Variants in NOX1 observed in about 807,000 individuals in gnomAD.
The protein encoded by NOX1 is NADH/NADPH mitogenic oxidase subunit P65-MOX.
A neutral mutation model predicts 42.5 loss-of-function variants in NOX1; 34 were observed. The ratio of observed to expected loss-of-function variants is 0.80; its 90% CI spans 0.61 to 1.07. NOX1 has a LOEUF of 1.07. Among genes scored for constraint, NOX1 ranks in the 50% least tolerant of loss-of-function variants. The pLI is 0.00. For missense variants in NOX1, 408 were observed against 427.0 expected (o/e 0.96, Z 0.39); for synonymous variants, 143 against 152.5 (o/e 0.94, Z 0.46).
At chrX:100,865,827 G>C (rs1479177376) in intron 2 of NOX1, among the ~76,000 whole-genome samples, 2 of 112,130 alleles carry the variant, frequency 1.8e-5, no homozygotes, top group African/African-American at 6.5e-5. Context: ...TGATGTCATT[G>C]AACACCACTG....
At chrX:100,873,520 T>C (rs1272905984) in intron 1 of NOX1, among the ~76,000 whole-genome samples, 1 of 112,183 alleles carries the variant, frequency 8.9e-6, no homozygotes, top group African/African-American at 3.2e-5. Context: ...TCAGTAAAAA[T>C]AAAAATATGT....
intron 12 of NOX1, among the ~76,000 whole-genome samples, chrX:100,846,216 C>T (rs2085072386): frequency 8.9e-6 from 1 of 112,380 alleles, no homozygotes; most frequent in African/African-American, 3.2e-5. Flanking sequence ...CCACCATGCC[C>T]AGCTGGAAAC....
At position 100,849,290 on chromosome X, in the gene NOX1, T is replaced by TC; in HGVS notation, c.1432dup (p.Asp478GlyfsTer13). ...GTTATTTGGACTCACAATATTGCTG[T>TC]CCCATCCGGTGAGGAAGAGACGGTA... On this transcript the variant is annotated frameshift_variant, in exon 11 of 13. Transcript: ENST00000372966. LOFTEE classifies it high-confidence loss of function. 8.3e-7 allele frequency: 1 copy of TC among 1,210,928 alleles called. No homozygotes were observed. The highest frequency in any genetic ancestry group is 1.1e-6 in the Non-Finnish European group (1 of 894,952).
At position 100,862,729 on chromosome X, in the gene NOX1, G is replaced by T. The variant is rs1337119299; in HGVS notation, c.429C>A (p.Ser143Arg). The change falls in exon 5 of 13, where the codon AGC (serine) becomes AGA (arginine). Residue 143 changes from serine (S) to arginine (R), a missense_variant. Coordinates refer to ENST00000372966, the MANE Select transcript of NOX1 (RefSeq NM_007052.5). ...CCCCCTTTTTCTCATCATGAGATAG[G>T]CTGGAGAGAATGGAGGCAAGGGAGC... is the stretch of plus-strand genomic sequence containing the variant. ...TDGSLASILS[S>R]LSHDEKKGGS... 4 of 1,200,017 alleles carry T rather than the reference G, an allele frequency of 3.3e-6. No homozygotes were observed. In the South Asian group the frequency reaches 7.3e-5, roughly 22 times the overall value.
chrX:100,871,377 C>T (rs1231129705), intron 1 of NOX1, among the ~76,000 whole-genome samples: 2 of 111,993 alleles, frequency 1.8e-5, no homozygotes, highest in Non-Finnish European at 3.8e-5. Context: ...CAAACTGTTG[C>T]ACCTAAAAGA....
chrX:100,866,456 A>G (rs1339088756), intron 2 of NOX1, among the ~76,000 whole-genome samples: 1 of 107,233 alleles, frequency 9.3e-6, no homozygotes, highest in African/African-American at 3.4e-5. Flanking sequence ...CGTGTCTGAT[A>G]CATTTGTGAG....
chrX:100,869,261 A>T (rs2085257840), intron 2 of NOX1, among the ~76,000 whole-genome samples: 1 of 111,239 alleles, frequency 9.0e-6, no homozygotes, highest in African/African-American at 3.3e-5. Context: ...CAGTATGGCC[A>T]TTTTCACGAT....
chrX:100,853,262 C>A (rs866686190), intron 7 of NOX1, among the ~76,000 whole-genome samples: 14 of 21,249 alleles, frequency 6.6e-4, no homozygotes, highest in African/African-American at 2.2e-3. Context: ...TCCTTCCTTC[C>A]TTTCTTTCTT....
rs1187494759 is a variant in NOX1, at chrX:100,849,330, C to T, written c.1393G>A (p.Val465Met). The part of the protein sequence containing the change: ...LEQEMEELGK[V>M]GFLNYRLFLT... ...AAGAGACGGTAGTTTAGAAAACCCA[C>T]TTTGCCTAATTCCTCCATCTCCTGT... The change falls in exon 11 of 13, where the codon GTG becomes ATG. Residue 465 changes from valine (V) to methionine (M), a missense_variant. Coordinates refer to ENST00000372966, the MANE Select transcript of NOX1 (RefSeq NM_007052.5). 2.5e-6 allele frequency: 3 copies of T among 1,210,150 alleles called. No homozygotes were observed. The highest frequency in any genetic ancestry group is 1.8e-5 in the South Asian group (1 of 56,821).
At chrX:100,848,346 A>G (rs1419688240) in intron 12 of NOX1, among the ~76,000 whole-genome samples, 1 of 110,366 alleles carries the variant, frequency 9.1e-6, no homozygotes, top group Non-Finnish European at 1.9e-5. Context: ...GCTGGAGTGC[A>G]ATGGCGCTAT....
In NOX1 at chrX:100,851,232, C is replaced by A; in HGVS notation, c.897+1G>T. 2 of 1,131,794 alleles carry A rather than the reference C, an allele frequency of 1.8e-6. No homozygotes were observed. Among genetic ancestry groups the A allele is most frequent in the South Asian group, 3.8e-5 (2 of 53,060 alleles). The allele number at this position is 1,131,794 out of a possible 1,213,427, so 93.3% of individuals were successfully genotyped here. A position where few individuals can be genotyped will look rare whatever the true frequency, so the allele number is the denominator to read the frequency against. Reference sequence around the variant, plus strand: ...GCAAGAGGAAAGTGCATATTCTTTACCTTGGTAATCACAACCTTCTGCTGG... The same window carrying A: ...GCAAGAGGAAAGTGCATATTCTTTAACTTGGTAATCACAACCTTCTGCTGG... On this transcript the variant is annotated splice_donor_variant, in intron 8 of 12. Coordinates refer to ENST00000372966, the MANE Select transcript of NOX1 (RefSeq NM_007052.5). LOFTEE classifies it high-confidence loss of function.
At chrX:100,848,291 C>CT (rs376904747) in intron 12 of NOX1, among the ~76,000 whole-genome samples, 254 of 104,903 alleles carry the variant, frequency 2.4e-3, no homozygotes, top group African/African-American at 7.2e-3. Flanking sequence ...CCGCACTCAT[C>CT]TTTTTTTTTT....
At chrX:100,870,951 A>G (rs1032369080) in intron 1 of NOX1, 137 bp from the exon 2 acceptor site, 10 of 435,164 alleles carry the variant, frequency 2.3e-5, no homozygotes, top group African/African-American at 1.7e-4. Flanking sequence ...AAATGAGTGC[A>G]ATCCTGCTAG....
intron 1 of NOX1, 83 bp from the exon 2 acceptor site, chrX:100,870,897 A>G: frequency 1.7e-6 from 1 of 601,512 alleles, no homozygotes; most frequent in South Asian, 2.7e-5. Context: ...GGATAGCAAT[A>G]GTGTCGCCGT....
chrX:100,845,210 C>T, intron 12 of NOX1, among the ~76,000 whole-genome samples: 1 of 111,201 alleles, frequency 9.0e-6, no homozygotes, highest in East Asian at 2.8e-4. Flanking sequence ...TAGCAGTCCT[C>T]ATTTCCTCCC....
intron 12 of NOX1, 41 bp from the exon 13 acceptor site, chrX:100,844,119 T>A (rs1238800932): frequency 9.0e-7 from 1 of 1,108,711 alleles, no homozygotes; most frequent in Non-Finnish European, 1.2e-6. Context: ...AATGCAGCAA[T>A]GACAGAATGG....
chrX:100,866,996 C>T (rs2085242418), intron 2 of NOX1, among the ~76,000 whole-genome samples: 1 of 111,384 alleles, frequency 9.0e-6, no homozygotes, highest in Non-Finnish European at 1.9e-5. Flanking sequence ...CTGAGCAACA[C>T]GGAGACCTCA....
At chrX:100,851,175 C>T in intron 8 of NOX1, 58 bp downstream of exon 8, 1 of 748,879 alleles carries the variant, frequency 1.3e-6, no homozygotes, top group Non-Finnish European at 2.0e-6. Context: ...AAATTTAGTT[C>T]TGTAGTCCGG....
chrX:100,849,322 A>G lies in NOX1; in HGVS notation c.1401T>C (p.Phe467=). The part of the protein sequence containing the change: ...QEMEELGKVG[F]LNYRLFLTGW... ...CGGTGAGGAAGAGACGGTAGTTTAG[A>G]AAACCCACTTTGCCTAATTCCTCCA... is the stretch of plus-strand genomic sequence containing the variant. Residue 467 remains phenylalanine, a synonymous_variant, in exon 11 of 13, where the codon TTT becomes TTC. Coordinates refer to ENST00000372966, the MANE Select transcript of NOX1 (RefSeq NM_007052.5). 1 of 1,211,827 alleles carries G rather than the reference A, an allele frequency of 8.3e-7. No homozygotes were observed.
Sources: allele counts gnomAD v4.1 joint callset (sites outside exome capture counted in the v4.1 genomes callset), GRCh38; gene constraint gnomAD v4.1.1; transcripts MANE v1.5; gene names NCBI Gene and HGNC (gene_info 2026-07-23, HGNC 2026-07-21).